The following ST18 variants were observed in gnomAD, a reference collection of about 807,000 sequenced individuals.
ST18 encodes ST18 C2H2C-type zinc finger transcription factor, also known as suppression of tumorigenicity 18 protein.
A neutral mutation model predicts 110.0 loss-of-function variants in ST18; 50 were observed. The ratio of observed to expected loss-of-function variants is 0.45; its 90% CI spans 0.36 to 0.58. ST18 has a LOEUF of 0.58. ST18 is among the 20% of genes least tolerant of loss of function. ST18 has a pLI of 0.00. For synonymous variants in ST18, 461 were observed against 452.4 expected (o/e 1.02, Z -0.24); for missense variants, 1,306 against 1,280.1 (o/e 1.02, Z -0.31).
intron 15 of ST18, among the ~76,000 whole-genome samples, chr8:52,151,672 C>T (rs554206015): frequency 2.0e-5 from 3 of 152,246 alleles, no homozygotes; most frequent in African/African-American, 7.2e-5. Context: ...CAATTTTTGG[C>T]TTCGTAGCTG....
Position 52,161,465 on chromosome 8 carries a change from A to T in ST18, c.1504T>A (p.Phe502Ile). ...KEQEKFGKVP[F>I]DYASFDAQVF... ...TGGGCATCAAAACTGGCATAATCAAATGGTACTTTTCCAAACTTCTCTTGT... is the reference window on the plus strand; with the variant it reads ...TGGGCATCAAAACTGGCATAATCAATTGGTACTTTTCCAAACTTCTCTTGT... The change falls in exon 14 of 26, where the codon TTT becomes ATT. Residue 502 changes from phenylalanine to isoleucine, a missense_variant. Physicochemically the swap from Phe to Ile is conservative, Grantham distance 21. Coordinates refer to ENST00000689386, the MANE Select transcript of ST18 (RefSeq NM_001352837.2). 6.2e-7 allele frequency: 1 copy of T among 1,614,130 alleles called. No individual in the cohort carries two copies. The highest frequency in any genetic ancestry group is 2.2e-5 in the East Asian group (1 of 44,876).
Position 52,268,468 on chromosome 8 carries a change from CATCTATCTATCT to C in ST18, c.-464-38403_-464-38392del, listed in dbSNP as rs55683613. The stretch of plus-strand genomic sequence containing the variant: ...ATCTATCTATCGTCTATCTATCTAT[CATCTATCTATCT>C]ATCTATCTATCTATCTATCTATCTA... On this transcript the variant is annotated intron_variant, in intron 2 of 25. Transcript: ENST00000689386. Among the ~76,000 whole-genome samples the C allele has an allele frequency of 4.4e-3, 647 of 148,716 alleles. 7 individuals carry two copies. Among genetic ancestry groups the C allele is most frequent in the African/African-American group, 0.013 (525 of 40,110 alleles).
rs762557233 is a variant in ST18 at position 52,132,128 on chromosome 8, T to C, written c.2496A>G (p.Thr832=). 3.1e-6 allele frequency: 5 copies of C among 1,614,094 alleles called. No individual in the cohort carries two copies. In the South Asian group the frequency reaches 5.5e-5, roughly 18 times the overall value. ...DGQGHISGKY[T]SHRTASGCPL... is the part of the protein sequence containing the mutation. ...GACAGCCAGAAGCTGTGCGGTGTGA[T>C]GTGTATTTACCTGATATGTGACCTT... Residue 832 remains threonine, a synonymous_variant, in exon 22 of 26, where the codon ACA becomes ACG. Coordinates refer to ENST00000689386, the MANE Select transcript of ST18 (RefSeq NM_001352837.2).
At chr8:52,314,293 C>G (rs1024958089) in intron 2 of ST18, among the ~76,000 whole-genome samples, 1 of 152,198 alleles carries the variant, frequency 6.6e-6, no homozygotes. Flanking sequence ...CTGTGTGCCG[C>G]TGGTTGGGTG....
intron 23 of ST18, among the ~76,000 whole-genome samples, chr8:52,118,697 C>T (rs911791214): frequency 1.3e-5 from 2 of 152,092 alleles, no homozygotes; most frequent in Non-Finnish European, 2.9e-5. Context: ...CTGCCAGACC[C>T]ATTTGTAAAT....
chr8:52,397,476 T>C (rs940128068), intron 2 of ST18, among the ~76,000 whole-genome samples: 1 of 152,192 alleles, frequency 6.6e-6, no homozygotes, highest in Non-Finnish European at 1.5e-5. Flanking sequence ...TATTTATTTA[T>C]TTTTGCTTTT....
Position 52,197,985 on chromosome 8 carries a change from C to A in ST18, c.86+14094G>T, listed in dbSNP as rs1261945210. On this transcript the variant is annotated intron_variant, in intron 8 of 25. Transcript: ENST00000689386. Reference sequence around the variant, plus strand: ...CTTTTTAAGTTACTAAGACAAAAGGCGTTTTAAAGACCATGTGGCTGTTTT... The same window carrying A: ...CTTTTTAAGTTACTAAGACAAAAGGAGTTTTAAAGACCATGTGGCTGTTTT... 8.6e-5 allele frequency among the ~76,000 whole-genome samples: 13 copies of A among 151,992 alleles called. No homozygotes were observed. In the South Asian group the frequency reaches 1.2e-3, roughly 15 times the overall value.
intron 8 of ST18, among the ~76,000 whole-genome samples, chr8:52,199,855 C>T (rs917533463): frequency 2.0e-5 from 3 of 152,174 alleles, no homozygotes; most frequent in African/African-American, 7.2e-5. Flanking sequence ...GCAAGGAGTG[C>T]CTGCTCTGTG....
intron 2 of ST18, among the ~76,000 whole-genome samples, chr8:52,335,357 T>C (rs1362986338): frequency 6.6e-6 from 1 of 152,084 alleles, no homozygotes; most frequent in Non-Finnish European, 1.5e-5. Context: ...CCACCACCAA[T>C]CCTCTCTGTT....
intron 2 of ST18, among the ~76,000 whole-genome samples, chr8:52,369,583 T>C (rs1434713436): frequency 6.6e-6 from 1 of 152,226 alleles, no homozygotes; most frequent in African/African-American, 2.4e-5. Flanking sequence ...CACTGTTTTT[T>C]TATAAATCTC....
intron 2 of ST18, among the ~76,000 whole-genome samples, chr8:52,342,044 AT>A (rs1815293673): frequency 6.6e-6 from 1 of 152,246 alleles, no homozygotes; most frequent in East Asian, 1.9e-4. Context: ...ACTGCAGTTA[AT>A]AACAGTATAC....
At chr8:52,308,155 T>C (rs1460462099) in intron 2 of ST18, among the ~76,000 whole-genome samples, 5 of 152,194 alleles carry the variant, frequency 3.3e-5, no homozygotes, top group Non-Finnish European at 2.9e-5. Flanking sequence ...TCAGACCTTT[T>C]TTAAACATTC....
chr8:52,351,263 C>T (rs1234230357), intron 2 of ST18, among the ~76,000 whole-genome samples: 1 of 152,178 alleles, frequency 6.6e-6, no homozygotes, highest in East Asian at 1.9e-4. Context: ...ACAACAAACT[C>T]CTGTTTCAAG....
chr8:52,230,670 T>A lies in ST18; in HGVS notation c.-464-593A>T, dbSNP rs536766143. Among the ~76,000 whole-genome samples, 106 of 152,080 alleles carry A rather than the reference T, an allele frequency of 7.0e-4. No homozygotes were observed. The South Asian group carries it at 7.5e-3, about 11-fold the overall frequency. ...GTACAGATTTCAAAAGGATTTTTTT[T>A]AAAAAATCCTTTAATTCTCATGTGT... On this transcript the variant is annotated intron_variant, in intron 2 of 25. Coordinates refer to ENST00000689386, the MANE Select transcript of ST18 (RefSeq NM_001352837.2).
At chr8:52,290,427 T>C (rs979596012) in intron 2 of ST18, among the ~76,000 whole-genome samples, 16 of 152,184 alleles carry the variant, frequency 1.1e-4, no homozygotes, top group African/African-American at 3.9e-4. Context: ...GATGATGGAA[T>C]GTTTACATAC....
At chr8:52,388,898 T>TG (rs1262181209) in intron 2 of ST18, among the ~76,000 whole-genome samples, 91 of 148,878 alleles carry the variant, frequency 6.1e-4, no homozygotes, top group African/African-American at 2.2e-3. Flanking sequence ...CACACCAGCA[T>TG]GGCACATGTA....
In ST18 at chr8:52,158,906, G is replaced by A. The variant is rs2060679674; in HGVS notation, c.1798C>T (p.His600Tyr). The change falls in exon 15 of 26, where the codon CAT becomes TAT. Residue 600 changes from histidine (H) to tyrosine (Y), a missense_variant. By Grantham distance (83) the His-to-Tyr change is moderately conservative (BLOSUM62 2). Coordinates refer to ENST00000689386, the MANE Select transcript of ST18 (RefSeq NM_001352837.2). ...CTCTTGGACTGGCCTACCTTGGCAT[G>A]CAGACTCTGTGGCTTGTTGGAGAGG... ...DILSNKPQSL[H>Y]AKGAEIEVDE... 2.5e-6 allele frequency: 4 copies of A among 1,613,872 alleles called. No homozygotes were observed. The highest frequency in any genetic ancestry group is 3.4e-6 in the Non-Finnish European group (4 of 1,179,882).
chr8:52,167,089 A>G, intron 10 of ST18, 103 bp from the exon 11 acceptor site: 2 of 1,418,918 alleles, frequency 1.4e-6, no homozygotes, highest in East Asian at 2.4e-5. Flanking sequence ...ATTCAGTTTT[A>G]CCGTTATAAA....
At chr8:52,300,584 C>T (rs1253188052) in intron 2 of ST18, among the ~76,000 whole-genome samples, 1 of 151,860 alleles carries the variant, frequency 6.6e-6, no homozygotes, top group Non-Finnish European at 1.5e-5. Context: ...GTATGACCCT[C>T]GATTTAAAAT....
Sources: gnomAD v4.1 joint callset for allele counts (sites outside exome capture counted in the v4.1 genomes callset) on GRCh38, gnomAD v4.1.1 for gene constraint, MANE v1.5 for transcripts, NCBI Gene and HGNC (gene_info 2026-07-23, HGNC 2026-07-21) for gene names.